Variants in RYR2 observed in about 807,000 individuals in gnomAD.
RYR2 encodes ryanodine receptor 2.
In RYR2, 227 loss-of-function variants were observed where a neutral mutation model predicts 601.1. The ratio of observed to expected loss-of-function variants is 0.38; its 90% confidence interval spans 0.34 to 0.42. RYR2 has a LOEUF of 0.42. Among genes scored for constraint, RYR2 ranks in the 10% least tolerant of loss-of-function variants. The pLI is 1.00. For synonymous variants in RYR2, 2,223 were observed against 2,175.1 expected (o/e 1.02, Z -0.61); for missense variants, 4,646 against 6,156.5 (o/e 0.75, Z 8.21).
intron 2 of RYR2, among the ~76,000 whole-genome samples, chr1:237,319,009 GA>G (rs1695368261): frequency 6.6e-6 from 1 of 151,820 alleles, no homozygotes; most frequent in Admixed American, 6.6e-5. Flanking sequence ...TTTTGTCAAT[GA>G]TTTTTTTTTC....
intron 10 of RYR2, among the ~76,000 whole-genome samples, chr1:237,390,340 A>G (rs1702275810): frequency 6.6e-6 from 1 of 152,144 alleles, no homozygotes; most frequent in Non-Finnish European, 1.5e-5. Flanking sequence ...CTGCTCTGCC[A>G]CTTACCAGTT....
intron 12 of RYR2, among the ~76,000 whole-genome samples, chr1:237,428,005 C>T (rs1706372868): frequency 1.3e-5 from 2 of 151,986 alleles, no homozygotes; most frequent in Admixed American, 1.3e-4. Flanking sequence ...AAAAAAAGCT[C>T]AACATCACTG....
intron 80 of RYR2, chr1:237,755,093 T>G (rs1692839058): frequency 7.8e-7 from 1 of 1,288,866 alleles, no homozygotes; most frequent in Non-Finnish European, 1.0e-6. Flanking sequence ...GAAACAAATT[T>G]GCCAGCCTCG....
In RYR2 at chr1:237,530,423, C is replaced by A; in HGVS notation, c.2823-4C>A. 1 of 1,601,526 alleles carries A rather than the reference C, an allele frequency of 6.2e-7. No individual in the cohort carries two copies. Among genetic ancestry groups the A allele is most frequent in the Non-Finnish European group, 8.5e-7 (1 of 1,173,308 alleles). On this transcript the variant is annotated splice_polypyrimidine_tract_variant and splice_region_variant and intron_variant, in intron 24 of 104. Coordinates refer to ENST00000366574, the MANE Select transcript of RYR2 (RefSeq NM_001035.3). Reference sequence around the variant, plus strand: ...TCACACTTATCTCTGGTTTTGTTTTCCAGGACTTTGTTGGCATTAGGATGT... The same window carrying A: ...TCACACTTATCTCTGGTTTTGTTTTACAGGACTTTGTTGGCATTAGGATGT...
At chr1:237,681,372 T>A (rs1200316638) in intron 62 of RYR2, among the ~76,000 whole-genome samples, 1 of 151,986 alleles carries the variant, frequency 6.6e-6, no homozygotes. Context: ...TTAGACAGAG[T>A]GAGATGAGAT....
chr1:237,796,109 C>T (rs966925148), intron 96 of RYR2, among the ~76,000 whole-genome samples: 14 of 151,884 alleles, frequency 9.2e-5, no homozygotes, highest in Admixed American at 2.6e-4. Flanking sequence ...TTTGTTCCCT[C>T]GTGACCTGGC....
At chr1:237,414,428 T>C (rs10925411) in intron 10 of RYR2, among the ~76,000 whole-genome samples, 16,545 of 152,214 alleles carry the variant, frequency 0.11, 1,860 homozygotes, top group African/African-American at 0.29. Flanking sequence ...CACCCTAAGA[T>C]GTGGTCACTT....
At chr1:237,831,601 A>T (rs1320628451) in intron 104 of RYR2, 36 bp downstream of exon 104, 1 of 1,231,858 alleles carries the variant, frequency 8.1e-7, no homozygotes, top group East Asian at 2.3e-5. Context: ...TCTGAAAGAA[A>T]TGATAGAGAA....
chr1:237,428,605 G>A (rs1195942376), intron 12 of RYR2, among the ~76,000 whole-genome samples: 1 of 148,502 alleles, frequency 6.7e-6, no homozygotes, highest in Non-Finnish European at 1.5e-5. Context: ...CGGTGGGGCG[G>A]GGGTGCAAGG....
intron 1 of RYR2, among the ~76,000 whole-genome samples, chr1:237,204,379 G>A (rs1459041493): frequency 1.3e-5 from 2 of 151,866 alleles, no homozygotes; most frequent in Non-Finnish European, 2.9e-5. Context: ...TTATTGTTGA[G>A]TAGTGTTCTA....
chr1:237,144,460 A>G (rs2148776372), intron 1 of RYR2, among the ~76,000 whole-genome samples: 1 of 152,298 alleles, frequency 6.6e-6, no homozygotes, highest in East Asian at 1.9e-4. Flanking sequence ...AGATAGGGAC[A>G]CTATCTTCTT....
intron 17 of RYR2, among the ~76,000 whole-genome samples, chr1:237,481,607 G>A (rs1330678891): frequency 3.3e-5 from 5 of 151,886 alleles, no homozygotes; most frequent in Non-Finnish European, 7.4e-5. Context: ...TTCCCTCATG[G>A]TTGTGCTTAC....
chr1:237,394,440 T>C (rs1307783129), intron 10 of RYR2, among the ~76,000 whole-genome samples: 2 of 152,228 alleles, frequency 1.3e-5, no homozygotes, highest in Non-Finnish European at 2.9e-5. Flanking sequence ...AAACAAGTAA[T>C]GCTTCTTGGG....
At chr1:237,077,772 G>T (rs1187342901) in intron 1 of RYR2, among the ~76,000 whole-genome samples, 11 of 152,296 alleles carry the variant, frequency 7.2e-5, no homozygotes, top group South Asian at 2.1e-4. Context: ...TGCACCAAGC[G>T]GACCTAATAG....
chr1:237,626,580 CTTTTTTTTTTTTTTTTTTTTTTTTT>C (rs60885998), intron 40 of RYR2, among the ~76,000 whole-genome samples: 1 of 40,044 alleles, frequency 2.5e-5, no homozygotes, highest in East Asian at 1.0e-3. Context: ...TTTTCTTTTT[CTTTTTTTTTTTTTTTTTTTTTTTTT>C]TTTTTTGAGA....
chr1:237,043,165 T>C (rs1203198218), intron 1 of RYR2, among the ~76,000 whole-genome samples: 1 of 152,094 alleles, frequency 6.6e-6, no homozygotes, highest in Non-Finnish European at 1.5e-5. Flanking sequence ...TTCCCCCAAG[T>C]CAAGGTGCTG....
At chr1:237,227,162 G>T (rs973328746) in intron 1 of RYR2, among the ~76,000 whole-genome samples, 12 of 152,132 alleles carry the variant, frequency 7.9e-5, no homozygotes, top group African/African-American at 2.9e-4. Flanking sequence ...GGAGGAATGA[G>T]TTCCTATTAT....
chr1:237,741,955 G>A (rs899257523), intron 79 of RYR2, among the ~76,000 whole-genome samples: 2 of 151,992 alleles, frequency 1.3e-5, no homozygotes, highest in East Asian at 3.9e-4. Context: ...TGCAATGGCA[G>A]CATAAAAAAA....
intron 99 of RYR2, among the ~76,000 whole-genome samples, chr1:237,808,014 T>C (rs1660832240): frequency 1.3e-5 from 2 of 152,200 alleles, no homozygotes; most frequent in African/African-American, 2.4e-5. Flanking sequence ...CATATACTTA[T>C]AGCTATCCAA....
Sources: gnomAD v4.1 joint callset for allele counts (sites outside exome capture counted in the v4.1 genomes callset) on GRCh38, gnomAD v4.1.1 for gene constraint, MANE v1.5 for transcripts, NCBI Gene and HGNC (gene_info 2026-07-23, HGNC 2026-07-21) for gene names.